The following CAMK1D variants were observed in gnomAD, a reference collection of about 807,000 sequenced individuals.
The protein encoded by CAMK1D is calcium/calmodulin dependent protein kinase ID, also known as calcium/calmodulin-dependent protein kinase type 1D.
A neutral mutation model predicts 47.7 loss-of-function variants in CAMK1D; 9 were observed. The ratio of observed to expected loss-of-function variants is 0.19; its 90% CI spans 0.11 to 0.33. CAMK1D has a LOEUF of 0.33. Among genes scored for constraint, CAMK1D ranks in the 10% least tolerant of loss-of-function variants. The pLI is 1.00. For missense variants in CAMK1D, 291 were observed against 488.7 expected (o/e 0.60, Z 3.81); for synonymous variants, 184 against 184.9 (o/e 0.99, Z 0.04).
chr10:12,381,696 G>A (rs1010343056), intron 1 of CAMK1D, among the ~76,000 whole-genome samples: 6 of 152,272 alleles, frequency 3.9e-5, no homozygotes, highest in African/African-American at 1.2e-4. Flanking sequence ...GTTCTCTGAC[G>A]GTTGTGGCGT....
At chr10:12,354,729 A>G (rs995308334) in intron 1 of CAMK1D, among the ~76,000 whole-genome samples, 20 of 151,262 alleles carry the variant, frequency 1.3e-4, no homozygotes, top group African/African-American at 4.9e-4. Context: ...ATTTTCAAGT[A>G]CCCTTGCAAC....
intron 1 of CAMK1D, among the ~76,000 whole-genome samples, chr10:12,485,495 C>T (rs1234260217): frequency 6.6e-6 from 1 of 152,154 alleles, no homozygotes; most frequent in Admixed American, 6.5e-5. Context: ...CTGCCTGTCC[C>T]AGGTGGAGGA....
At chr10:12,455,552 T>TA (rs1435764935) in intron 1 of CAMK1D, among the ~76,000 whole-genome samples, 2 of 152,240 alleles carry the variant, frequency 1.3e-5, no homozygotes, top group East Asian at 3.8e-4. Context: ...GAATTGCACT[T>TA]ATGTTTTATG....
intron 1 of CAMK1D, among the ~76,000 whole-genome samples, chr10:12,467,454 C>G (rs1833626005): frequency 6.6e-6 from 1 of 152,132 alleles, no homozygotes. Context: ...CGCCCAGTCA[C>G]TCTCATGTTT....
chr10:12,776,788 T>C (rs376929995), intron 5 of CAMK1D, among the ~76,000 whole-genome samples: 2 of 152,284 alleles, frequency 1.3e-5, no homozygotes, highest in Admixed American at 6.5e-5. Flanking sequence ...TTGGGGCTGT[T>C]GTAAACAGGG....
chr10:12,533,400 C>T (rs1281370490), intron 1 of CAMK1D, among the ~76,000 whole-genome samples: 1 of 152,158 alleles, frequency 6.6e-6, no homozygotes, highest in African/African-American at 2.4e-5. Flanking sequence ...GGTTATCATT[C>T]CATAAAGTGA....
At chr10:12,613,405 A>T in intron 2 of CAMK1D, among the ~76,000 whole-genome samples, 1 of 152,230 alleles carries the variant, frequency 6.6e-6, no homozygotes, top group South Asian at 2.1e-4. Flanking sequence ...GAAAAGCCTG[A>T]TTGCATTTCT....
chr10:12,556,991 C>G (rs574513179), intron 2 of CAMK1D, among the ~76,000 whole-genome samples: 2 of 152,046 alleles, frequency 1.3e-5, no homozygotes, highest in Admixed American at 1.3e-4. Flanking sequence ...CTTAGAGATT[C>G]GGAAGGAATG....
intron 2 of CAMK1D, among the ~76,000 whole-genome samples, chr10:12,632,378 A>G (rs1321786961): frequency 6.6e-6 from 1 of 152,156 alleles, no homozygotes; most frequent in Non-Finnish European, 1.5e-5. Flanking sequence ...CAGTTGGAGA[A>G]CAGCAAGAGG....
chr10:12,367,322 T>G (rs1245180340), intron 1 of CAMK1D, among the ~76,000 whole-genome samples: 1 of 152,120 alleles, frequency 6.6e-6, no homozygotes. Flanking sequence ...ATTCTTGAGG[T>G]TAGATCAGTG....
intron 3 of CAMK1D, among the ~76,000 whole-genome samples, chr10:12,752,217 A>T (rs1355531687): frequency 1.3e-5 from 2 of 152,180 alleles, no homozygotes; most frequent in Non-Finnish European, 2.9e-5. Context: ...TCCTGACTTC[A>T]GGTGATCTGT....
intron 1 of CAMK1D, among the ~76,000 whole-genome samples, chr10:12,441,871 A>T (rs1001619710): frequency 6.6e-6 from 1 of 152,212 alleles, no homozygotes; most frequent in African/African-American, 2.4e-5. Flanking sequence ...TTTATATTCT[A>T]TTCCATACTC....
At chr10:12,617,297 C>G (rs536062741) in intron 2 of CAMK1D, among the ~76,000 whole-genome samples, 2 of 152,026 alleles carry the variant, frequency 1.3e-5, no homozygotes, top group African/African-American at 4.8e-5. Flanking sequence ...AATGTGTATT[C>G]CTAGAAGACA....
At chr10:12,666,992 A>G (rs190392924) in intron 3 of CAMK1D, 182 bp downstream of exon 3, 28 of 593,460 alleles carry the variant, frequency 4.7e-5, no homozygotes, top group East Asian at 4.2e-4. Context: ...ACAGGCGTCT[A>G]CAGGCCTCCC....
rs1330220997 is a variant in CAMK1D, at chr10:12,571,452, A to AC, written c.224+18097dup. ...CTGGGTGACAGAGGGAGACTCCATC[A>AC]CAAAAAAAAAAAAAAAAAAGAAAAA... On this transcript the variant is annotated intron_variant, in intron 2 of 10. Coordinates refer to ENST00000619168, the MANE Select transcript of CAMK1D (RefSeq NM_153498.4). Among the ~76,000 whole-genome samples the AC allele has an allele frequency of 6.3e-5, 5 of 79,070 alleles. No homozygotes were observed. In the East Asian group the frequency reaches 1.7e-3, roughly 26 times the overall value. 51.9% of individuals were successfully genotyped at this position (79,070 alleles called of 152,430 possible).
At chr10:12,423,042 G>T (rs1840110724) in intron 1 of CAMK1D, among the ~76,000 whole-genome samples, 1 of 152,054 alleles carries the variant, frequency 6.6e-6, no homozygotes, top group African/African-American at 2.4e-5. Context: ...GTTTGCTTTT[G>T]TACATGAAAC....
intron 8 of CAMK1D, among the ~76,000 whole-genome samples, chr10:12,820,694 A>T (rs1288301001): frequency 6.6e-6 from 1 of 152,226 alleles, no homozygotes; most frequent in East Asian, 1.9e-4. Context: ...AGACCACTTC[A>T]GACAGGAGAG....
At chr10:12,497,250 C>T (rs117681011) in intron 1 of CAMK1D, among the ~76,000 whole-genome samples, 5,208 of 151,916 alleles carry the variant, frequency 0.034, 312 homozygotes, top group East Asian at 0.31. Context: ...AGGCCGAAGC[C>T]GGAGGATCAC....
chr10:12,425,734 T>C (rs1176805888), intron 1 of CAMK1D, among the ~76,000 whole-genome samples: 1 of 152,238 alleles, frequency 6.6e-6, no homozygotes, highest in Non-Finnish European at 1.5e-5. Context: ...CTGAGGTTAG[T>C]TGAGTGCCTG....
Sources: allele counts gnomAD v4.1 joint callset (sites outside exome capture counted in the v4.1 genomes callset), GRCh38; gene constraint gnomAD v4.1.1; transcripts MANE v1.5; gene names NCBI Gene and HGNC (gene_info 2026-07-23, HGNC 2026-07-21).